HEMK2: variants seen among roughly 807,000 people sequenced by gnomAD.
The protein encoded by HEMK2 is HemK methyltransferase 2, ETF1 glutamine and histone H4 lysine.
the HEMK2 span, among the ~76,000 whole-genome samples, chr21:28,869,225 G>A: frequency 6.6e-6 from 1 of 152,166 alleles, no homozygotes; most frequent in Non-Finnish European, 1.5e-5. Context: ...GTGATAATGT[G>A]TTATTTTTCT....
the HEMK2 span, among the ~76,000 whole-genome samples, chr21:28,712,841 A>T: frequency 6.6e-6 from 1 of 152,232 alleles, no homozygotes; most frequent in African/African-American, 2.4e-5. Context: ...TGTTTGAATT[A>T]CTTACATTTA....
the HEMK2 span, among the ~76,000 whole-genome samples, chr21:28,865,075 G>A: frequency 6.6e-6 from 1 of 152,090 alleles, no homozygotes; most frequent in Non-Finnish European, 1.5e-5. Context: ...TTTAACCACA[G>A]CAGTCTCAAG....
the HEMK2 span, among the ~76,000 whole-genome samples, chr21:28,656,603 A>C: frequency 6.6e-6 from 1 of 151,748 alleles, no homozygotes; most frequent in Admixed American, 6.6e-5. Flanking sequence ...TACTACTAAA[A>C]CCATCTTTAA....
chr21:28,578,102 T>C, the HEMK2 span, among the ~76,000 whole-genome samples: 1 of 152,194 alleles, frequency 6.6e-6, no homozygotes, highest in Non-Finnish European at 1.5e-5. Flanking sequence ...CTCTAAACAA[T>C]CACTGTTTTG....
At chr21:28,694,184 T>C in the HEMK2 span, among the ~76,000 whole-genome samples, 1 of 152,338 alleles carries the variant, frequency 6.6e-6, no homozygotes, top group Non-Finnish European at 1.5e-5. Flanking sequence ...TCATACCAAG[T>C]ACACTCTGAG....
chr21:28,838,996 T>TATATATATATATATATATATATAC, the HEMK2 span, among the ~76,000 whole-genome samples: 3 of 60,524 alleles, frequency 5.0e-5, no homozygotes, highest in Non-Finnish European at 8.1e-5. Context: ...TATATATATA[T>TATATATATATATATATATATATAC]ATATACATAT....
At chr21:28,602,269 CTTAT>C in the HEMK2 span, among the ~76,000 whole-genome samples, 3 of 151,842 alleles carry the variant, frequency 2.0e-5, no homozygotes, top group Non-Finnish European at 4.4e-5. Flanking sequence ...CTACAATGTG[CTTAT>C]TTATTTATTT....
chr21:28,862,492 A>C, the HEMK2 span, among the ~76,000 whole-genome samples: 1 of 144,810 alleles, frequency 6.9e-6, no homozygotes, highest in East Asian at 1.9e-4. Context: ...ACAAAAAATT[A>C]GCCTGGCGCG....
At chr21:28,617,344 A>G in the HEMK2 span, among the ~76,000 whole-genome samples, 1 of 152,298 alleles carries the variant, frequency 6.6e-6, no homozygotes, top group South Asian at 2.1e-4. Flanking sequence ...GCAAACAAGG[A>G]CCAAATAATG....
the HEMK2 span, among the ~76,000 whole-genome samples, chr21:28,880,715 C>A: frequency 6.6e-6 from 1 of 151,128 alleles, no homozygotes; most frequent in Non-Finnish European, 1.5e-5. Flanking sequence ...TACACTCCAG[C>A]CTGGGCGACA....
chr21:28,677,196 C>T, the HEMK2 span, among the ~76,000 whole-genome samples: 1 of 152,190 alleles, frequency 6.6e-6, no homozygotes. Flanking sequence ...GTCACCTCCA[C>T]CCTAATACTG....
At chr21:28,579,310 GT>G in the HEMK2 span, among the ~76,000 whole-genome samples, 1 of 152,166 alleles carries the variant, frequency 6.6e-6, no homozygotes, top group African/African-American at 2.4e-5. Context: ...GTGTGTATGT[GT>G]TTATATATAC....
chr21:28,819,382 AC>A, the HEMK2 span, among the ~76,000 whole-genome samples: 1 of 151,970 alleles, frequency 6.6e-6, no homozygotes, highest in East Asian at 1.9e-4. Context: ...AAGTCTTTTA[AC>A]TTTTTTTTAT....
At chr21:28,866,175 A>AAAACCC in the HEMK2 span, among the ~76,000 whole-genome samples, 1 of 76,234 alleles carries the variant, frequency 1.3e-5, no homozygotes, top group African/African-American at 5.1e-5. Context: ...CAAAAAAAAA[A>AAAACCC]ACACACACAC....
the HEMK2 span, among the ~76,000 whole-genome samples, chr21:28,720,216 CA>C: frequency 6.6e-6 from 1 of 152,188 alleles, no homozygotes; most frequent in South Asian, 2.1e-4. Context: ...TAGAAACACA[CA>C]TAAGGTATGT....
the HEMK2 span, among the ~76,000 whole-genome samples, chr21:28,659,593 C>A: frequency 6.6e-6 from 1 of 152,006 alleles, no homozygotes; most frequent in African/African-American, 2.4e-5. Context: ...CTGGACTCAA[C>A]ATTGCAATAT....
the HEMK2 span, among the ~76,000 whole-genome samples, chr21:28,742,583 G>A: frequency 3.3e-5 from 5 of 151,216 alleles, no homozygotes; most frequent in South Asian, 8.4e-4. Context: ...GGCCATGAGA[G>A]TAAACATGAA....
the HEMK2 span, among the ~76,000 whole-genome samples, chr21:28,654,683 C>T: frequency 2.5e-4 from 38 of 152,192 alleles, no homozygotes; most frequent in Non-Finnish European, 4.6e-4. Context: ...CAGGTTCAGA[C>T]TTACTGAAAC....
At chr21:28,823,210 C>A in the HEMK2 span, among the ~76,000 whole-genome samples, 3 of 152,100 alleles carry the variant, frequency 2.0e-5, no homozygotes, top group South Asian at 2.1e-4. Flanking sequence ...TGTTAAACTG[C>A]CAAGTTGACA....
Sources: allele counts gnomAD v4.1 joint callset (sites outside exome capture counted in the v4.1 genomes callset), GRCh38; gene constraint gnomAD v4.1.1; transcripts MANE v1.5; gene names NCBI Gene and HGNC (gene_info 2026-07-23, HGNC 2026-07-21).